The following CNTN5 variants were observed in gnomAD, a reference collection of about 807,000 sequenced individuals.
The protein encoded by CNTN5 is contactin-5.
CNTN5 carries 77 observed loss-of-function variants against 129.1 expected under a neutral mutation model. The observed-to-expected ratio is 0.60, with a 90% CI of 0.50 to 0.72. The LOEUF (loss-of-function observed/expected upper bound fraction) is 0.72. Among genes scored for constraint, CNTN5 ranks in the 30% least tolerant of loss-of-function variants. The pLI is 0.00. For missense variants in CNTN5, 1,478 were observed against 1,328.8 expected, an observed-to-expected ratio of 1.11 and a Z score of -1.75; for synonymous variants, 509 against 465.6, an observed-to-expected ratio of 1.09 and a Z score of -1.20.
intron 18 of CNTN5, among the ~76,000 whole-genome samples, chr11:100,291,731 C>G (rs1302410701): frequency 1.4e-5 from 2 of 145,968 alleles, no homozygotes; most frequent in Admixed American, 6.8e-5. Flanking sequence ...TGCACATGTA[C>G]CCTAAAACGT....
intron 1 of CNTN5, among the ~76,000 whole-genome samples, chr11:99,286,435 G>C (rs1309339200): frequency 1.3e-5 from 2 of 152,164 alleles, no homozygotes; most frequent in Non-Finnish European, 2.9e-5. Context: ...GTTCACATCA[G>C]AGTTGTCTTA....
chr11:99,169,370 ATATGTGTGTG>A (rs1861039298), intron 1 of CNTN5, among the ~76,000 whole-genome samples: 1 of 128,482 alleles, frequency 7.8e-6, no homozygotes, highest in Non-Finnish European at 1.7e-5. Context: ...GCAATAAGCT[ATATGTGTGTG>A]TGTGTGTGTG....
chr11:99,985,077 T>C (rs1042880977), intron 8 of CNTN5, among the ~76,000 whole-genome samples: 2 of 152,132 alleles, frequency 1.3e-5, no homozygotes, highest in Non-Finnish European at 2.9e-5. Context: ...TTCGCTCCAC[T>C]ACCCATAGAG....
At chr11:100,293,919 A>G (rs1290665260) in intron 18 of CNTN5, among the ~76,000 whole-genome samples, 3 of 151,752 alleles carry the variant, frequency 2.0e-5, no homozygotes, top group African/African-American at 7.2e-5. Flanking sequence ...CTGAGTTAGA[A>G]TCAATTAATT....
At chr11:100,303,216 T>A (rs1315268360) in intron 20 of CNTN5, among the ~76,000 whole-genome samples, 4 of 151,552 alleles carry the variant, frequency 2.6e-5, no homozygotes, top group Non-Finnish European at 5.9e-5. Flanking sequence ...TGTGCATTCC[T>A]AATCCTGACT....
intron 1 of CNTN5, among the ~76,000 whole-genome samples, chr11:99,225,332 C>G (rs1034789236): frequency 1.3e-5 from 2 of 152,026 alleles, no homozygotes; most frequent in Non-Finnish European, 2.9e-5. Context: ...GCATGGTTAC[C>G]GCTGGAAAGG....
chr11:100,036,100 G>C (rs576389635), intron 9 of CNTN5, among the ~76,000 whole-genome samples: 2 of 152,244 alleles, frequency 1.3e-5, no homozygotes, highest in South Asian at 2.1e-4. Flanking sequence ...TATGGTTTCA[G>C]CTCTAACATT....
At chr11:100,058,891 T>C (rs58752508) in intron 9 of CNTN5, among the ~76,000 whole-genome samples, 6,567 of 152,226 alleles carry the variant, frequency 0.043, 163 homozygotes, top group African/African-American at 0.071. Flanking sequence ...AGGACTTTGC[T>C]GAAGAGGAGG....
chr11:99,854,151 A>G (rs1047642490), intron 6 of CNTN5, among the ~76,000 whole-genome samples: 1 of 152,154 alleles, frequency 6.6e-6, no homozygotes, highest in African/African-American at 2.4e-5. Flanking sequence ...TCTATTTCAT[A>G]TAAATTTCCT....
chr11:100,259,563 A>G (rs1950153619), intron 17 of CNTN5, among the ~76,000 whole-genome samples: 1 of 152,136 alleles, frequency 6.6e-6, no homozygotes, highest in Non-Finnish European at 1.5e-5. Context: ...CTCCTCAACA[A>G]ATGCAAAATA....
At chr11:99,587,179 G>C (rs1012074899) in intron 3 of CNTN5, among the ~76,000 whole-genome samples, 2 of 152,140 alleles carry the variant, frequency 1.3e-5, no homozygotes, top group African/African-American at 4.8e-5. Flanking sequence ...TGGGTAATCC[G>C]CTGGATATCC....
intron 3 of CNTN5, among the ~76,000 whole-genome samples, chr11:99,782,991 A>G (rs1331304176): frequency 6.6e-6 from 1 of 151,664 alleles, no homozygotes; most frequent in Non-Finnish European, 1.5e-5. Context: ...ATCTAATTAA[A>G]GAGCTTCTGC....
At chr11:99,712,270 A>G (rs1955025594) in intron 3 of CNTN5, among the ~76,000 whole-genome samples, 1 of 152,182 alleles carries the variant, frequency 6.6e-6, no homozygotes, top group Admixed American at 6.6e-5. Flanking sequence ...TGGCCACAAA[A>G]TGTATTCTTT....
At chr11:99,663,933 T>G (rs1292254848) in intron 3 of CNTN5, among the ~76,000 whole-genome samples, 1 of 152,170 alleles carries the variant, frequency 6.6e-6, no homozygotes, top group Non-Finnish European at 1.5e-5. Context: ...CAATCAAAAA[T>G]TATTAATGGG....
intron 3 of CNTN5, among the ~76,000 whole-genome samples, chr11:99,724,424 A>G (rs1334152441): frequency 6.6e-6 from 1 of 152,138 alleles, no homozygotes; most frequent in Non-Finnish European, 1.5e-5. Context: ...TATATTCCAT[A>G]TAGCAACACC....
At chr11:100,171,983 A>T (rs1947841129) in intron 13 of CNTN5, among the ~76,000 whole-genome samples, 1 of 152,090 alleles carries the variant, frequency 6.6e-6, no homozygotes, top group South Asian at 2.1e-4. Flanking sequence ...TGTACTGTCA[A>T]GGAAAAACCA....
intron 18 of CNTN5, among the ~76,000 whole-genome samples, chr11:100,281,972 T>C (rs1025065925): frequency 2.0e-5 from 3 of 150,974 alleles, no homozygotes; most frequent in African/African-American, 7.3e-5. Flanking sequence ...TCTGATAGAA[T>C]TCTGAATTCT....
intron 2 of CNTN5, among the ~76,000 whole-genome samples, chr11:99,472,616 T>A (rs934749758): frequency 6.6e-6 from 1 of 152,172 alleles, no homozygotes; most frequent in African/African-American, 2.4e-5. Flanking sequence ...CCAAGCGACA[T>A]TGATGTATTG....
intron 3 of CNTN5, among the ~76,000 whole-genome samples, chr11:99,558,933 A>C (rs1948755955): frequency 6.6e-6 from 1 of 152,038 alleles, no homozygotes; most frequent in Non-Finnish European, 1.5e-5. Context: ...ATCTGTTTAA[A>C]ATAAAATTGA....
Sources: allele counts gnomAD v4.1 joint callset (sites outside exome capture counted in the v4.1 genomes callset), GRCh38; gene constraint gnomAD v4.1.1; transcripts MANE v1.5; gene names NCBI Gene and HGNC (gene_info 2026-07-23, HGNC 2026-07-21).